The following PHYHIPL variants were observed in gnomAD, a reference collection of about 807,000 sequenced individuals.
PHYHIPL encodes the protein phytanoyl-CoA 2-hydroxylase interacting protein like.
PHYHIPL carries 9 observed loss-of-function variants against 33.4 expected under a neutral mutation model. The observed-to-expected ratio is 0.27, with a 90% CI of 0.16 to 0.47. The LOEUF is 0.47. Among genes scored for constraint, PHYHIPL ranks in the 20% least tolerant of loss-of-function variants. The pLI is 0.99. For synonymous variants in PHYHIPL, 153 were observed against 154.1 expected (o/e 0.99, Z 0.05); for missense variants, 365 against 460.7 (o/e 0.79, Z 1.90).
intron 1 of PHYHIPL, among the ~76,000 whole-genome samples, chr10:59,233,687 T>C (rs1840143581): frequency 6.6e-6 from 1 of 151,842 alleles, no homozygotes; most frequent in African/African-American, 2.4e-5. Context: ...GATTTTAATA[T>C]CAGTCACTAT....
intron 1 of PHYHIPL, among the ~76,000 whole-genome samples, chr10:59,223,461 A>C (rs1839835125): frequency 6.6e-6 from 1 of 152,064 alleles, no homozygotes; most frequent in South Asian, 2.1e-4. Flanking sequence ...TTGTCTGTTT[A>C]TTTCAATACC....
chr10:59,176,817 G>A lies in PHYHIPL; in HGVS notation c.-37G>A. ...CCACCCGGCCGGCAGAGAGAGCCTG[G>A]ATACGAAGCAGGCGGGCTTCAGAGT... is the stretch of plus-strand genomic sequence containing the variant. On this transcript the variant is annotated 5_prime_UTR_variant, in exon 1 of 5. Transcript: ENST00000373880. 1 of 1,575,152 alleles carries A rather than the reference G, an allele frequency of 6.3e-7. No individual in the cohort carries two copies. Among genetic ancestry groups the A allele is most frequent in the East Asian group, 2.3e-5 (1 of 43,440 alleles).
intron 1 of PHYHIPL, chr10:59,177,543 AT>A: frequency 6.4e-7 from 1 of 1,551,718 alleles, no homozygotes; most frequent in Non-Finnish European, 8.7e-7. Flanking sequence ...CACAATCTTC[AT>A]GGTTCCTGGG....
intron 1 of PHYHIPL, among the ~76,000 whole-genome samples, chr10:59,188,595 G>T (rs957280532): frequency 6.6e-6 from 1 of 152,128 alleles, no homozygotes; most frequent in Non-Finnish European, 1.5e-5. Flanking sequence ...TATTGTGTGG[G>T]AGTCTAAGTC....
intron 1 of PHYHIPL, among the ~76,000 whole-genome samples, chr10:59,180,286 A>T (rs1838370463): frequency 7.0e-6 from 1 of 142,020 alleles, no homozygotes; most frequent in South Asian, 2.2e-4. Flanking sequence ...ACATACACAC[A>T]CATATATAAT....
At chr10:59,222,779 G>C (rs1839815857) in intron 1 of PHYHIPL, among the ~76,000 whole-genome samples, 1 of 152,054 alleles carries the variant, frequency 6.6e-6, no homozygotes, top group African/African-American at 2.4e-5. Context: ...GTTCTGGAGT[G>C]AGTTAGAAAA....
chr10:59,238,110 T>TA (rs1036449350), intron 3 of PHYHIPL, among the ~76,000 whole-genome samples: 12 of 151,878 alleles, frequency 7.9e-5, no homozygotes, highest in South Asian at 4.1e-4. Flanking sequence ...AAAAGTGGGT[T>TA]AAAAAAAATC....
chr10:59,202,222 T>A (rs1369845920), intron 1 of PHYHIPL, among the ~76,000 whole-genome samples: 1 of 152,046 alleles, frequency 6.6e-6, no homozygotes, highest in Non-Finnish European at 1.5e-5. Context: ...GTTGAAAAAT[T>A]ACCCACCGGG....
chr10:59,180,350 A>C (rs1452616695), intron 1 of PHYHIPL, among the ~76,000 whole-genome samples: 1 of 98,070 alleles, frequency 1.0e-5, no homozygotes, highest in Non-Finnish European at 2.2e-5. Context: ...ATATATATAT[A>C]TATATATATA....
intron 1 of PHYHIPL, among the ~76,000 whole-genome samples, chr10:59,203,047 A>G (rs1445475918): frequency 6.6e-6 from 1 of 152,200 alleles, no homozygotes; most frequent in Non-Finnish European, 1.5e-5. Context: ...CAGAATCTAC[A>G]AAGAACTAAA....
At chr10:59,226,156 A>G (rs1329185886) in intron 1 of PHYHIPL, among the ~76,000 whole-genome samples, 1 of 152,164 alleles carries the variant, frequency 6.6e-6, no homozygotes, top group Non-Finnish European at 1.5e-5. Flanking sequence ...AGGAGAGAAC[A>G]TTAGAAAATT....
chr10:59,227,621 A>G (rs115490402), intron 1 of PHYHIPL, among the ~76,000 whole-genome samples: 1,846 of 152,316 alleles, frequency 0.012, 12 homozygotes, highest in African/African-American at 0.023. Context: ...CATAACTCTC[A>G]AGTACATATA....
intron 1 of PHYHIPL, among the ~76,000 whole-genome samples, chr10:59,224,288 A>G (rs1405186218): frequency 6.6e-6 from 1 of 152,158 alleles, no homozygotes; most frequent in African/African-American, 2.4e-5. Context: ...AGAAAAATGT[A>G]TGTTAACCTA....
intron 1 of PHYHIPL, among the ~76,000 whole-genome samples, chr10:59,185,340 A>G (rs1252589578): frequency 1.5e-4 from 23 of 151,770 alleles, no homozygotes; most frequent in African/African-American, 5.1e-4. Flanking sequence ...TATATGTGCC[A>G]CATTTTCTTA....
At chr10:59,184,341 A>G (rs1217090076) in intron 1 of PHYHIPL, among the ~76,000 whole-genome samples, 6 of 152,210 alleles carry the variant, frequency 3.9e-5, no homozygotes, top group Admixed American at 3.9e-4. Flanking sequence ...TATTGTCTAG[A>G]CCTTTATAGG....
At chr10:59,238,485 G>T in intron 3 of PHYHIPL, 103 bp from the exon 4 acceptor site, 1 of 550,370 alleles carries the variant, frequency 1.8e-6, no homozygotes, top group South Asian at 3.9e-5. Context: ...TTATTAAGTT[G>T]AATTCCCTAG....
chr10:59,238,673 T>C lies in PHYHIPL; in HGVS notation c.564T>C (p.Arg188=), dbSNP rs145729161. 191 of 1,597,976 alleles carry C rather than the reference T, an allele frequency of 1.2e-4. No individual in the cohort carries two copies. The highest frequency in any genetic ancestry group is 1.6e-4 in the Non-Finnish European group (189 of 1,165,916). ...GRMLKFSVFY[R]NQHKEYFDYV... Reference sequence around the variant, plus strand: ...TGCTTAAGTTTTCTGTTTTTTATCGTAATCAGCACAAAGAATATTTTGACT... The same window carrying C: ...TGCTTAAGTTTTCTGTTTTTTATCGCAATCAGCACAAAGAATATTTTGACT... Residue 188 remains arginine (R), a synonymous_variant, in exon 4 of 5, where the codon CGT becomes CGC. Transcript: ENST00000373880.
At chr10:59,178,763 A>G (rs904990857) in intron 1 of PHYHIPL, among the ~76,000 whole-genome samples, 1 of 152,176 alleles carries the variant, frequency 6.6e-6, no homozygotes, top group African/African-American at 2.4e-5. Flanking sequence ...GCAAAAAATA[A>G]TGCTGTATTT....
At chr10:59,178,418 A>C (rs1838314252) in intron 1 of PHYHIPL, among the ~76,000 whole-genome samples, 1 of 152,170 alleles carries the variant, frequency 6.6e-6, no homozygotes, top group Non-Finnish European at 1.5e-5. Flanking sequence ...GCATGATTAT[A>C]GACTGTAAAG....
Sources: gnomAD v4.1 joint callset for allele counts (sites outside exome capture counted in the v4.1 genomes callset) on GRCh38, gnomAD v4.1.1 for gene constraint, MANE v1.5 for transcripts, NCBI Gene and HGNC (gene_info 2026-07-23, HGNC 2026-07-21) for gene names.